PLEKHD1: variants seen among roughly 807,000 people sequenced by gnomAD.
PLEKHD1 encodes pleckstrin homology domain-containing family D member 1.
Under a neutral mutation model 69.2 loss-of-function variants are expected in PLEKHD1, and 51 were observed. The ratio of observed to expected loss-of-function variants is 0.74; its 90% CI spans 0.59 to 0.93. The LOEUF (loss-of-function observed/expected upper bound fraction) is 0.93. Ranked by LOEUF, PLEKHD1 falls within the 40% of genes least tolerant of loss-of-function variation. The pLI is 0.00. For missense variants in PLEKHD1, 584 were observed against 641.0 expected, an observed-to-expected ratio of 0.91 and a Z score of 0.96; for synonymous variants, 236 against 244.7, an observed-to-expected ratio of 0.96 and a Z score of 0.33.
chr14:69,524,051 C>T (rs1467062870), intron 7 of PLEKHD1, among the ~76,000 whole-genome samples, 178 bp from the exon 8 acceptor site: 2 of 152,232 alleles, frequency 1.3e-5, no homozygotes, highest in Non-Finnish European at 2.9e-5. Flanking sequence ...CCAGGACTTA[C>T]TTTCAACTCC....
intron 6 of PLEKHD1, among the ~76,000 whole-genome samples, chr14:69,519,181 A>G (rs1594990125): frequency 6.6e-6 from 1 of 152,228 alleles, no homozygotes. Context: ...AAAAATCTTC[A>G]TTATTCATAA....
At position 69,484,982 on chromosome 14, in the gene PLEKHD1, C is replaced by G. The variant is rs1369860972; in HGVS notation, c.17C>G (p.Ser6Cys). Residue 6 changes from serine (S) to cysteine (C), a missense_variant, in exon 1 of 13, where the codon TCC (serine) becomes TGC (cysteine). Coordinates refer to ENST00000322564, the MANE Select transcript of PLEKHD1 (RefSeq NM_001161498.2). ...TGAGGCAGGATGTTCACGTCCAAGT[C>G]CAACTCGGTGTCGCCCTCGCCGTCC... The part of the protein sequence containing the change: MFTSK[S>C]NSVSPSPSLE... The G allele has an allele frequency of 6.4e-7, 1 of 1,551,184 alleles. No homozygotes were observed. The highest frequency in any genetic ancestry group is 1.2e-5 in the South Asian group (1 of 84,030).
At chr14:69,501,108 C>G (rs193207975) in intron 4 of PLEKHD1, 161 bp downstream of exon 4, 1 of 719,250 alleles carries the variant, frequency 1.4e-6, no homozygotes, top group African/African-American at 1.7e-5. Flanking sequence ...GGTTTTAGAG[C>G]ATCTGTGAGG....
intron 6 of PLEKHD1, among the ~76,000 whole-genome samples, chr14:69,521,746 G>T (rs894159780): frequency 6.6e-6 from 1 of 152,124 alleles, no homozygotes; most frequent in Non-Finnish European, 1.5e-5. Context: ...TCCACTTTGG[G>T]GCCGGAGCAG....
upstream of PLEKHD1, among the ~76,000 whole-genome samples, chr14:69,483,440 A>G (rs1191791575): frequency 6.6e-6 from 1 of 152,096 alleles, no homozygotes; most frequent in East Asian, 1.9e-4. Context: ...TCTACTGTGC[A>G]GAGGTGGTAA....
intron 5 of PLEKHD1, 125 bp from the exon 6 acceptor site, chr14:69,502,702 C>T: frequency 8.0e-7 from 1 of 1,253,788 alleles, no homozygotes; most frequent in Non-Finnish European, 1.1e-6. Context: ...GCTGGCAGGG[C>T]TGCAGGCCCC....
intron 1 of PLEKHD1, among the ~76,000 whole-genome samples, chr14:69,487,399 G>C (rs1170104919): frequency 6.6e-6 from 1 of 152,224 alleles, no homozygotes; most frequent in Non-Finnish European, 1.5e-5. Flanking sequence ...GAAGACTTGG[G>C]GACAGAGCAG....
intron 6 of PLEKHD1, among the ~76,000 whole-genome samples, chr14:69,510,471 A>T (rs937328962): frequency 1.2e-4 from 19 of 152,040 alleles, no homozygotes; most frequent in Non-Finnish European, 1.5e-5. Flanking sequence ...GTGTTGTTAC[A>T]TTTCAAATTT....
chr14:69,494,778 T>C (rs1445329926), intron 1 of PLEKHD1, among the ~76,000 whole-genome samples: 1 of 152,228 alleles, frequency 6.6e-6, no homozygotes, highest in African/African-American at 2.4e-5. Flanking sequence ...AGTGTACCTC[T>C]GTGCAGGGCA....
intron 1 of PLEKHD1, among the ~76,000 whole-genome samples, chr14:69,487,620 C>T (rs770799724): frequency 1.6e-4 from 25 of 152,234 alleles, no homozygotes; most frequent in Non-Finnish European, 1.8e-4. Context: ...CCAAGCAGCC[C>T]TGCCTGCCTG....
intron 1 of PLEKHD1, 40 bp from the exon 2 acceptor site, chr14:69,500,075 T>A: frequency 7.0e-7 from 1 of 1,421,122 alleles, no homozygotes; most frequent in Admixed American, 2.0e-5. Context: ...CCTCACCCCT[T>A]CTCTCCTGGT....
chr14:69,494,845 G>T (rs1267972771), intron 1 of PLEKHD1, among the ~76,000 whole-genome samples: 3 of 152,222 alleles, frequency 2.0e-5, no homozygotes, highest in African/African-American at 7.2e-5. Flanking sequence ...AGCTAAAATA[G>T]CAGGGCTGTC....
chr14:69,518,655 T>C (rs1883441027), intron 6 of PLEKHD1, among the ~76,000 whole-genome samples: 1 of 152,168 alleles, frequency 6.6e-6, no homozygotes, highest in Admixed American at 6.5e-5. Flanking sequence ...AATCATGCCC[T>C]GTGAAGTGTG....
rs1053463897 is a variant in PLEKHD1 at position 69,522,441 on chromosome 14, C to A, written c.650+64C>A. Reference sequence around the variant, plus strand: ...TAGGGCATGCAGAGCCCACCTTCCCCGTCAGATCTGAGGAGGCCTCCACCT... The same window carrying A: ...TAGGGCATGCAGAGCCCACCTTCCCAGTCAGATCTGAGGAGGCCTCCACCT... On this transcript the variant is annotated intron_variant, in intron 7 of 12. Coordinates refer to ENST00000322564, the MANE Select transcript of PLEKHD1 (RefSeq NM_001161498.2). The A allele has an allele frequency of 2.7e-6, 4 of 1,507,596 alleles. No homozygotes were observed. The Admixed American group carries it at 7.9e-5, about 30-fold the overall frequency. The allele number at this position is 1,507,596 out of a possible 1,614,324, so 93.4% of individuals were successfully genotyped here.
At chr14:69,509,986 CCAT>C (rs1404804268) in intron 6 of PLEKHD1, among the ~76,000 whole-genome samples, 3 of 150,920 alleles carry the variant, frequency 2.0e-5, no homozygotes, top group Non-Finnish European at 4.4e-5. Flanking sequence ...TGCCTTTGCT[CCAT>C]TGTCAGAGTT....
intron 7 of PLEKHD1, 57 bp downstream of exon 7, chr14:69,522,434 C>G: frequency 1.3e-6 from 2 of 1,519,954 alleles, no homozygotes; most frequent in Non-Finnish European, 1.8e-6. Context: ...GCAGAGCCCA[C>G]CTTCCCCGTC....
upstream of PLEKHD1, among the ~76,000 whole-genome samples, chr14:69,480,551 T>C (rs1248161248): frequency 2.6e-5 from 4 of 152,218 alleles, no homozygotes; most frequent in Non-Finnish European, 5.9e-5. Flanking sequence ...GGTAGTCCAA[T>C]AACGATGACT....
rs530479296 is a variant in PLEKHD1, at chr14:69,510,418, A to G, written c.555+7539A>G. Among the ~76,000 whole-genome samples, 3 of 152,226 alleles carry G rather than the reference A, an allele frequency of 2.0e-5. No individual in the cohort carries two copies. The South Asian group carries it at 6.2e-4, about 32-fold the overall frequency. ...TTTTGTACATTATTTTTAGATTTAT[A>G]CCTAAGTATTTCATTTTGGAGGGTG... On this transcript the variant is annotated intron_variant, in intron 6 of 12. Coordinates refer to ENST00000322564, the MANE Select transcript of PLEKHD1 (RefSeq NM_001161498.2).
At chr14:69,468,446 T>C in the PLEKHD1 span, among the ~76,000 whole-genome samples, 1 of 152,238 alleles carries the variant, frequency 6.6e-6, no homozygotes, top group East Asian at 1.9e-4. Context: ...TCAACTGTAA[T>C]TATCTCTGGA....
Sources: allele counts gnomAD v4.1 joint callset (sites outside exome capture counted in the v4.1 genomes callset), GRCh38; gene constraint gnomAD v4.1.1; transcripts MANE v1.5; gene names NCBI Gene and HGNC (gene_info 2026-07-23, HGNC 2026-07-21).